ERBB4: variants seen among roughly 807,000 people sequenced by gnomAD.
ERBB4 encodes the protein erb-b2 receptor tyrosine kinase 4, also known as receptor tyrosine-protein kinase erbB-4.
In ERBB4, 42 loss-of-function variants were observed where a neutral mutation model predicts 158.0. The ratio of observed to expected loss-of-function variants is 0.27; its 90% CI spans 0.21 to 0.34. ERBB4 has a LOEUF of 0.34. Ranked by LOEUF, ERBB4 falls within the 10% of genes least tolerant of loss-of-function variation. The pLI is 1.00. For synonymous variants in ERBB4, 583 were observed against 558.7 expected (o/e 1.04, Z -0.61); for missense variants, 1,333 against 1,624.1 (o/e 0.82, Z 3.08).
At chr2:212,057,374 G>A (rs1253269644) in intron 2 of ERBB4, among the ~76,000 whole-genome samples, 1 of 152,114 alleles carries the variant, frequency 6.6e-6, no homozygotes, top group Non-Finnish European at 1.5e-5. Context: ...AGATCAATGA[G>A]ACAGAAAGTT....
At chr2:212,250,007 C>A (rs557406027) in intron 1 of ERBB4, among the ~76,000 whole-genome samples, 2 of 152,056 alleles carry the variant, frequency 1.3e-5, no homozygotes, top group South Asian at 4.1e-4. Flanking sequence ...ATATGTATTG[C>A]AAGATAAATA....
intron 2 of ERBB4, among the ~76,000 whole-genome samples, chr2:212,097,619 A>G (rs1236092100): frequency 1.3e-5 from 2 of 152,192 alleles, no homozygotes; most frequent in Non-Finnish European, 2.9e-5. Context: ...CCATACTATC[A>G]ATATTTAAAT....
chr2:211,779,253 C>G (rs1195424568), intron 4 of ERBB4: 2 of 152,152 alleles, frequency 1.3e-5, no homozygotes, highest in Admixed American at 1.3e-4. Flanking sequence ...ATTCTGTGCC[C>G]TACGATTAAT....
intron 1 of ERBB4, among the ~76,000 whole-genome samples, chr2:212,300,285 T>A (rs1305376642): frequency 6.6e-6 from 1 of 151,628 alleles, no homozygotes; most frequent in African/African-American, 2.4e-5. Flanking sequence ...CTTTCTTTCA[T>A]TTTGTGTGTG....
intron 20 of ERBB4, among the ~76,000 whole-genome samples, chr2:211,513,275 C>T (rs1264879908): frequency 6.8e-6 from 1 of 147,220 alleles, no homozygotes; most frequent in Non-Finnish European, 1.5e-5. Context: ...GGCGTGAACC[C>T]GGGAAGCGGA....
chr2:211,683,720 T>C (rs1447353912), intron 12 of ERBB4, among the ~76,000 whole-genome samples: 1 of 149,410 alleles, frequency 6.7e-6, no homozygotes, highest in East Asian at 1.9e-4. Context: ...CTGGGTTATA[T>C]GGTAGTAACA....
At chr2:211,658,027 G>A in intron 15 of ERBB4, 199 bp from the exon 16 acceptor site, 1 of 1,531,430 alleles carries the variant, frequency 6.5e-7, no homozygotes. Flanking sequence ...AAAATACAAG[G>A]GGAAAAAATT....
rs1232460302 is a variant in ERBB4 at position 211,580,844 on chromosome 2, T to TATATTA, written c.2302-18757_2302-18756insTAATAT. On this transcript the variant is annotated intron_variant, in intron 19 of 27. Coordinates refer to ENST00000342788, the MANE Select transcript of ERBB4 (RefSeq NM_005235.3). ...ATATATTATATATATAGATTATATA[T>TATATTA]TATATATATAGTATGCATATACATA... 4.3e-4 allele frequency among the ~76,000 whole-genome samples: 25 copies of TATATTA among 58,710 alleles called. No individual in the cohort carries two copies. The South Asian group carries it at 5.6e-3, about 13-fold the overall frequency. The allele number at this position is 58,710 out of a possible 152,430, so 38.5% of individuals were successfully genotyped here. A position where few individuals can be genotyped will look rare whatever the true frequency, so the allele number is the denominator to read the frequency against.
chr2:211,699,322 TC>T (rs2073145131), intron 12 of ERBB4, among the ~76,000 whole-genome samples: 1 of 123,206 alleles, frequency 8.1e-6, no homozygotes, highest in Non-Finnish European at 1.8e-5. Flanking sequence ...CTCATGTACA[TC>T]TTGTGTGTGT....
chr2:211,698,214 A>T (rs2106020243), intron 12 of ERBB4, among the ~76,000 whole-genome samples: 1 of 150,236 alleles, frequency 6.7e-6, no homozygotes, highest in Non-Finnish European at 1.5e-5. Flanking sequence ...AGGGAGGCTG[A>T]GGCAGGAGAA....
In ERBB4 at chr2:211,621,756, T is replaced by A. The variant is rs151263522; in HGVS notation, c.2202+2166A>T. Among the ~76,000 whole-genome samples, 22 of 152,340 alleles carry A rather than the reference T, an allele frequency of 1.4e-4. No homozygotes were observed. The East Asian group carries it at 4.2e-3, about 29-fold the overall frequency. On this transcript the variant is annotated intron_variant, in intron 18 of 27. Transcript: ENST00000342788. ...AAATGGAAGTACGTTATAATACATTTAAATTTTTCCATTTATCTCTTTTTT... is the reference window on the plus strand; with the variant it reads ...AAATGGAAGTACGTTATAATACATTAAAATTTTTCCATTTATCTCTTTTTT...
intron 20 of ERBB4, chr2:211,535,906 T>C (rs1206543308): frequency 6.6e-6 from 1 of 152,060 alleles, no homozygotes; most frequent in Non-Finnish European, 1.5e-5. Context: ...TGATATTGTG[T>C]GCATTTATAA....
chr2:211,878,157 T>G (rs2078561733), intron 3 of ERBB4, among the ~76,000 whole-genome samples: 1 of 152,120 alleles, frequency 6.6e-6, no homozygotes, highest in Non-Finnish European at 1.5e-5. Context: ...CCGTAGAAAT[T>G]AAAACAACTT....
chr2:212,412,983 T>C (rs2091542357), intron 1 of ERBB4, among the ~76,000 whole-genome samples: 1 of 152,060 alleles, frequency 6.6e-6, no homozygotes, highest in Non-Finnish European at 1.5e-5. Flanking sequence ...TGTTTGTTTT[T>C]TTGAGACAGA....
chr2:212,272,341 A>AT (rs143720736), intron 1 of ERBB4, among the ~76,000 whole-genome samples: 5,049 of 151,754 alleles, frequency 0.033, 269 homozygotes, highest in African/African-American at 0.12. Flanking sequence ...AACAATTCCC[A>AT]TTTATTTTTC....
chr2:211,997,408 T>A (rs1163834230), intron 2 of ERBB4, among the ~76,000 whole-genome samples: 3 of 152,112 alleles, frequency 2.0e-5, no homozygotes, highest in African/African-American at 7.2e-5. Flanking sequence ...CCAAATACTG[T>A]AATAAAATGT....
intron 3 of ERBB4, among the ~76,000 whole-genome samples, chr2:211,789,923 A>T (rs956178200): frequency 1.3e-5 from 2 of 152,068 alleles, no homozygotes; most frequent in Non-Finnish European, 2.9e-5. Flanking sequence ...TTCTTTCTAC[A>T]TTTAAAATCA....
chr2:211,633,313 G>A (rs1851194), intron 16 of ERBB4, among the ~76,000 whole-genome samples: 10 of 151,658 alleles, frequency 6.6e-5, no homozygotes, highest in African/African-American at 1.5e-4. Context: ...GAAAAGATTC[G>A]GTTTCCAAAC....
intron 2 of ERBB4, among the ~76,000 whole-genome samples, chr2:212,105,106 A>G (rs1575639026): frequency 6.6e-6 from 1 of 152,204 alleles, no homozygotes; most frequent in Admixed American, 6.5e-5. Context: ...TGGAAATGCC[A>G]CTGTTCCACA....
Sources: gnomAD v4.1 joint callset for allele counts (sites outside exome capture counted in the v4.1 genomes callset) on GRCh38, gnomAD v4.1.1 for gene constraint, MANE v1.5 for transcripts, NCBI Gene and HGNC (gene_info 2026-07-23, HGNC 2026-07-21) for gene names.